DPP10: variants seen among roughly 807,000 people sequenced by gnomAD.
DPP10 encodes the protein dipeptidyl peptidase like 10.
In DPP10, 33 loss-of-function variants were observed where a neutral mutation model predicts 120.9. That is an observed-to-expected ratio of 0.27 (90% CI 0.21 to 0.37). The LOEUF (loss-of-function observed/expected upper bound fraction) is 0.37. Ranked by LOEUF, DPP10 falls within the 10% of genes least tolerant of loss-of-function variation. DPP10 has a pLI of 1.00. For synonymous variants in DPP10, 337 were observed against 326.1 expected (o/e 1.03, Z -0.36); for missense variants, 816 against 942.8 (o/e 0.87, Z 1.76).
At chr2:114,944,311 C>T (rs1697192625) in intron 1 of DPP10, among the ~76,000 whole-genome samples, 1 of 152,072 alleles carries the variant, frequency 6.6e-6, no homozygotes, top group Non-Finnish European at 1.5e-5. Context: ...GATTCCAAAT[C>T]CATTTCAACC....
At chr2:115,565,769 G>GTTTTTTTTTTTTTTTTTTTTT (rs144846765) in intron 5 of DPP10, among the ~76,000 whole-genome samples, 2 of 136,220 alleles carry the variant, frequency 1.5e-5, no homozygotes, top group Non-Finnish European at 3.1e-5. Context: ...TGTTTGTTTT[G>GTTTTTTTTTTTTTTTTTTTTT]TTTTTTTTTG....
At chr2:115,449,493 G>A (rs888727697) in intron 3 of DPP10, among the ~76,000 whole-genome samples, 1 of 152,070 alleles carries the variant, frequency 6.6e-6, no homozygotes, top group African/African-American at 2.4e-5. Context: ...TCAATATAAT[G>A]TGGTCCTTAA....
chr2:114,786,658 G>A (rs1682792878), intron 1 of DPP10, among the ~76,000 whole-genome samples: 1 of 152,158 alleles, frequency 6.6e-6, no homozygotes, highest in Non-Finnish European at 1.5e-5. Flanking sequence ...AGCTCATCCA[G>A]AACCTCCAGG....
chr2:114,508,947 G>A (rs559428827), intron 1 of DPP10, among the ~76,000 whole-genome samples: 28 of 152,168 alleles, frequency 1.8e-4, no homozygotes, highest in Admixed American at 5.9e-4. Flanking sequence ...TAGCTAGGAT[G>A]GGCAATTTGA....
At chr2:115,528,389 A>C (rs1575101447) in intron 5 of DPP10, among the ~76,000 whole-genome samples, 1 of 151,626 alleles carries the variant, frequency 6.6e-6, no homozygotes, top group African/African-American at 2.4e-5. Flanking sequence ...ATAAATAAAA[A>C]CCAAAAAAAA....
At chr2:115,344,454 ATGAT>A (rs1432326301) in intron 3 of DPP10, among the ~76,000 whole-genome samples, 1 of 152,142 alleles carries the variant, frequency 6.6e-6, no homozygotes, top group Non-Finnish European at 1.5e-5. Flanking sequence ...ATTTGACAAT[ATGAT>A]TGGTTTTTGT....
chr2:115,591,583 T>C (rs1443483310), intron 5 of DPP10, among the ~76,000 whole-genome samples: 2 of 152,170 alleles, frequency 1.3e-5, no homozygotes, highest in African/African-American at 4.8e-5. Context: ...TGAAGTCAGG[T>C]AGTGTGATGC....
At chr2:114,650,209 C>T (rs1285722145) in intron 1 of DPP10, among the ~76,000 whole-genome samples, 4 of 151,882 alleles carry the variant, frequency 2.6e-5, no homozygotes, top group Admixed American at 1.3e-4. Context: ...TGAGAGCACA[C>T]GATGTGAGAA....
intron 3 of DPP10, among the ~76,000 whole-genome samples, chr2:115,393,331 A>T (rs1238101168): frequency 2.0e-5 from 3 of 151,800 alleles, no homozygotes; most frequent in Non-Finnish European, 2.9e-5. Flanking sequence ...AAAAATCTAT[A>T]TGTGAATAGA....
chr2:115,652,559 G>A (rs2087894003), intron 5 of DPP10, among the ~76,000 whole-genome samples: 1 of 151,550 alleles, frequency 6.6e-6, no homozygotes, highest in South Asian at 2.1e-4. Flanking sequence ...TCTGTAGTTG[G>A]CAAGCTGGAG....
chr2:114,860,957 CT>C (rs1306176843), intron 1 of DPP10, among the ~76,000 whole-genome samples: 3 of 152,092 alleles, frequency 2.0e-5, no homozygotes, highest in African/African-American at 7.2e-5. Context: ...AAATCTTTTT[CT>C]TTTTTTATCT....
intron 1 of DPP10, among the ~76,000 whole-genome samples, chr2:114,626,508 G>A (rs1181327945): frequency 6.6e-6 from 1 of 151,994 alleles, no homozygotes; most frequent in Non-Finnish European, 1.5e-5. Flanking sequence ...AATGTTGGTT[G>A]AGCTGCCACG....
chr2:115,076,345 A>G (rs1559064924), intron 1 of DPP10, among the ~76,000 whole-genome samples: 1 of 130,054 alleles, frequency 7.7e-6, no homozygotes, highest in African/African-American at 3.1e-5. Context: ...CCTCCACTAT[A>G]CATACAATTA....
intron 13 of DPP10, among the ~76,000 whole-genome samples, chr2:115,768,716 T>A (rs1559131897): frequency 6.6e-6 from 1 of 152,120 alleles, no homozygotes; most frequent in Non-Finnish European, 1.5e-5. Context: ...CTAGAGAAGA[T>A]TTTTTATTCA....
intron 1 of DPP10, among the ~76,000 whole-genome samples, chr2:115,028,207 T>C (rs1315249016): frequency 4.6e-5 from 7 of 152,132 alleles, no homozygotes; most frequent in Non-Finnish European, 1.0e-4. Context: ...TTATCTGAAG[T>C]CTTCACACCT....
At chr2:114,640,525 A>G (rs182788710) in intron 1 of DPP10, among the ~76,000 whole-genome samples, 1 of 151,472 alleles carries the variant, frequency 6.6e-6, no homozygotes, top group African/African-American at 2.4e-5. Flanking sequence ...TAGAGAGGAT[A>G]CACCTCGTCA....
chr2:114,466,915 G>A (rs1211948026), intron 1 of DPP10, among the ~76,000 whole-genome samples: 1 of 151,954 alleles, frequency 6.6e-6, no homozygotes, highest in Non-Finnish European at 1.5e-5. Context: ...GGGCATGGTG[G>A]CAGATGCCTA....
intron 2 of DPP10, among the ~76,000 whole-genome samples, chr2:115,317,452 G>A (rs1461010541): frequency 6.6e-6 from 1 of 152,026 alleles, no homozygotes; most frequent in Non-Finnish European, 1.5e-5. Flanking sequence ...ATTTGTTTGA[G>A]TCCATGTTTT....
intron 4 of DPP10, among the ~76,000 whole-genome samples, chr2:115,514,368 CCTTTT>C (rs774652695): frequency 2.4e-4 from 37 of 151,726 alleles, no homozygotes; most frequent in Non-Finnish European, 3.5e-4. Flanking sequence ...ACATATTTCT[CCTTTT>C]CTTCTCTATA....
Sources: allele counts gnomAD v4.1 joint callset (sites outside exome capture counted in the v4.1 genomes callset), GRCh38; gene constraint gnomAD v4.1.1; transcripts MANE v1.5; gene names NCBI Gene and HGNC (gene_info 2026-07-23, HGNC 2026-07-21).